The following CRYBA4 variants were observed in gnomAD, a reference collection of about 807,000 sequenced individuals.
CRYBA4 encodes crystallin beta A4.
Under a neutral mutation model 31.7 loss-of-function variants are expected in CRYBA4, and 30 were observed. That is an observed-to-expected ratio of 0.95 (90% CI 0.71 to 1.28). CRYBA4 has a LOEUF of 1.28. Among genes scored for constraint, CRYBA4 ranks in the 50% most tolerant of loss-of-function variants. CRYBA4 has a pLI of 0.00. For missense variants in CRYBA4, 225 were observed against 260.7 expected (o/e 0.86, Z 0.94); for synonymous variants, 102 against 102.3 (o/e 1.00, Z 0.02).
At chr22:26,598,251 G>A in the CRYBA4 span, among the ~76,000 whole-genome samples, 2,769 of 152,286 alleles carry the variant, frequency 0.018, 81 homozygotes, top group African/African-American at 0.062. Flanking sequence ...GCAGGCAGTG[G>A]TATCTGCTGG....
In CRYBA4 at chr22:26,630,368, C is replaced by T. The variant is rs748709957; in HGVS notation, c.472C>T (p.Arg158Ter). The change falls in exon 6 of 6, where the codon CGA becomes TGA. Residue 158 changes from arginine to a stop codon, truncating the protein, a stop_gained. Transcript: ENST00000354760. LOFTEE classifies it high-confidence loss of function. Reference sequence around the variant, plus strand: ...GGTTTGCTCCCAGTTTCCGGGCTACCGAGGATTTCAGTATGTGCTGGAATG... The same window carrying T: ...GGTTTGCTCCCAGTTTCCGGGCTACTGAGGATTTCAGTATGTGCTGGAATG... Reference protein sequence around the residue: ...AWVCSQFPGYRGFQYVLECDH... With the variant: ...AWVCSQFPGY 23 of 1,614,090 alleles carry T rather than the reference C, an allele frequency of 1.4e-5. No homozygotes were observed. The East Asian group carries it at 4.2e-4, about 30-fold the overall frequency.
chr22:26,609,605 G>C, the CRYBA4 span, among the ~76,000 whole-genome samples: 1 of 152,198 alleles, frequency 6.6e-6, no homozygotes, highest in Admixed American at 6.5e-5. Flanking sequence ...GTGGGTACGT[G>C]TGTATAAATG....
the CRYBA4 span, among the ~76,000 whole-genome samples, chr22:26,601,040 A>G: frequency 6.6e-6 from 1 of 152,202 alleles, no homozygotes; most frequent in Admixed American, 6.5e-5. Flanking sequence ...TGCCTGGCTC[A>G]CAGACAAGGC....
the CRYBA4 span, among the ~76,000 whole-genome samples, chr22:26,594,584 G>A: frequency 1.3e-5 from 2 of 152,150 alleles, no homozygotes; most frequent in African/African-American, 4.8e-5. Context: ...GTATTTTAAA[G>A]CCAGTGCTTA....
At chr22:26,604,833 G>A in the CRYBA4 span, among the ~76,000 whole-genome samples, 5 of 152,110 alleles carry the variant, frequency 3.3e-5, no homozygotes, top group South Asian at 2.1e-4. Flanking sequence ...TTACTGTTAC[G>A]GTCTTGAGGG....
At chr22:26,617,286 CA>C (rs1016000224), upstream of CRYBA4, among the ~76,000 whole-genome samples, 1 of 152,116 alleles carries the variant, frequency 6.6e-6, no homozygotes, top group Non-Finnish European at 1.5e-5. Flanking sequence ...TGTCCCCGGA[CA>C]AAAATAATGC....
intron 1 of CRYBA4, among the ~76,000 whole-genome samples, chr22:26,622,268 C>T (rs1211146801): frequency 6.6e-6 from 1 of 152,108 alleles, no homozygotes; most frequent in Non-Finnish European, 1.5e-5. Flanking sequence ...AGCATTTCAG[C>T]ACTCGCTGGG....
chr22:26,597,525 C>T, the CRYBA4 span, among the ~76,000 whole-genome samples: 2 of 152,168 alleles, frequency 1.3e-5, no homozygotes, highest in African/African-American at 2.4e-5. Flanking sequence ...CCTGGAATAT[C>T]ATCTCCCCTA....
the CRYBA4 span, chr22:26,607,958 G>A: frequency 6.2e-7 from 1 of 1,614,230 alleles, no homozygotes; most frequent in Non-Finnish European, 8.5e-7. Flanking sequence ...TCCAGCGAGG[G>A]TACTCGCCCT....
the CRYBA4 span, chr22:26,601,948 T>C: frequency 6.2e-7 from 1 of 1,613,242 alleles, no homozygotes; most frequent in Non-Finnish European, 8.5e-7. Flanking sequence ...GGGTGCGTCG[T>C]CCCCCTGGAT....
At chr22:26,622,440 G>A in intron 1 of CRYBA4, 145 bp from the exon 2 acceptor site, 1 of 715,958 alleles carries the variant, frequency 1.4e-6, no homozygotes. Flanking sequence ...GACAGGAGAG[G>A]GACAGGCCAA....
chr22:26,595,303 G>A, the CRYBA4 span, among the ~76,000 whole-genome samples: 3 of 152,004 alleles, frequency 2.0e-5, no homozygotes, highest in Non-Finnish European at 2.9e-5. Flanking sequence ...GAGGCCAGGC[G>A]CAGTGGCTTA....
At chr22:26,602,014 T>C in the CRYBA4 span, 1 of 1,613,732 alleles carries the variant, frequency 6.2e-7, no homozygotes, top group Non-Finnish European at 8.5e-7. Context: ...TTTGTGCTCC[T>C]GGGCATCCTG....
chr22:26,616,487 C>A, the CRYBA4 span: 33 of 649,770 alleles, frequency 5.1e-5, no homozygotes, highest in Non-Finnish European at 8.0e-5. Context: ...TTCTTTCATC[C>A]CTACTTCCCA....
chr22:26,621,768 G>T (rs575999103), upstream of CRYBA4, among the ~76,000 whole-genome samples: 23 of 152,296 alleles, frequency 1.5e-4, 1 homozygote, highest in South Asian at 4.6e-3. Flanking sequence ...CCTTCTTCGT[G>T]GCTGATCCCT....
intron 3 of CRYBA4, among the ~76,000 whole-genome samples, chr22:26,625,125 C>T (rs1051123412): frequency 2.0e-5 from 3 of 152,168 alleles, no homozygotes; most frequent in African/African-American, 7.2e-5. Context: ...GTTGTCAGGG[C>T]ACCTGTGTGA....
the CRYBA4 span, chr22:26,607,754 G>A: frequency 4.3e-6 from 5 of 1,170,126 alleles, no homozygotes; most frequent in African/African-American, 3.0e-5. Flanking sequence ...AAGAATCCAC[G>A]GTCCTTTGAC....
the CRYBA4 span, among the ~76,000 whole-genome samples, chr22:26,602,895 G>A: frequency 5.3e-5 from 8 of 150,268 alleles, no homozygotes; most frequent in African/African-American, 1.7e-4. Flanking sequence ...AGGCCGAGGC[G>A]GGCAGATCAT....
At chr22:26,590,719 A>C in the CRYBA4 span, among the ~76,000 whole-genome samples, 1 of 152,026 alleles carries the variant, frequency 6.6e-6, no homozygotes, top group African/African-American at 2.4e-5. Flanking sequence ...AATGCTGCTA[A>C]ACATTCTGCG....
Sources: allele counts gnomAD v4.1 joint callset (sites outside exome capture counted in the v4.1 genomes callset), GRCh38; gene constraint gnomAD v4.1.1; transcripts MANE v1.5; gene names NCBI Gene and HGNC (gene_info 2026-07-23, HGNC 2026-07-21).